ERAP1: variants seen among roughly 807,000 people sequenced by gnomAD.
ERAP1 encodes the protein endoplasmic reticulum aminopeptidase 1.
ERAP1 carries 86 observed loss-of-function variants against 103.7 expected under a neutral mutation model. The ratio of observed to expected loss-of-function variants is 0.83; its 90% CI spans 0.70 to 0.99. ERAP1 has a LOEUF of 0.99. Ranked by LOEUF, ERAP1 falls within the 50% of genes least tolerant of loss-of-function variation. ERAP1 has a pLI of 0.00. For missense variants in ERAP1, 1,009 were observed against 1,128.4 expected (o/e 0.89, Z 1.52); for synonymous variants, 398 against 402.4 (o/e 0.99, Z 0.13).
chr5:96,807,784 G>T, intron 1 of ERAP1, 76 bp downstream of exon 1: 1 of 960,330 alleles, frequency 1.0e-6, no homozygotes, highest in Non-Finnish European at 1.2e-6. Context: ...CCCACTTGAC[G>T]GGCGCAGGGA....
At chr5:96,842,422 A>C in the ERAP1 span, among the ~76,000 whole-genome samples, 152,354 of 152,358 alleles carry the variant, frequency 1, 76,175 homozygotes, top group Middle Eastern at 1. Flanking sequence ...AAAGTGTTCT[A>C]TTTTCACCAC....
chr5:96,872,083 C>T, the ERAP1 span, among the ~76,000 whole-genome samples: 2 of 152,008 alleles, frequency 1.3e-5, no homozygotes, highest in Non-Finnish European at 2.9e-5. Flanking sequence ...TGAAAAAGAA[C>T]ATAGGCATAA....
At chr5:96,893,269 T>C in the ERAP1 span, among the ~76,000 whole-genome samples, 11 of 152,330 alleles carry the variant, frequency 7.2e-5, no homozygotes, top group Admixed American at 6.5e-4. Flanking sequence ...GTCACCAAAA[T>C]TGTCTTTCAC....
At chr5:96,892,310 A>G in the ERAP1 span, 77 of 1,613,784 alleles carry the variant, frequency 4.8e-5, no homozygotes, top group Non-Finnish European at 5.7e-5. Context: ...TTTAATTGCT[A>G]TTCCTGACTT....
intron 3 of ERAP1, among the ~76,000 whole-genome samples, chr5:96,800,626 G>GTA (rs1265066796): frequency 6.6e-6 from 1 of 152,180 alleles, no homozygotes; most frequent in African/African-American, 2.4e-5. Context: ...CTATCAGCAT[G>GTA]TATAACCTGG....
chr5:96,862,058 G>C, the ERAP1 span, among the ~76,000 whole-genome samples: 1 of 152,172 alleles, frequency 6.6e-6, no homozygotes, highest in Non-Finnish European at 1.5e-5. Context: ...ATGGCTTACT[G>C]CATCCTTGAA....
At chr5:96,897,975 T>A in the ERAP1 span, among the ~76,000 whole-genome samples, 1 of 152,176 alleles carries the variant, frequency 6.6e-6, no homozygotes, top group African/African-American at 2.4e-5. Context: ...GGTGGGTAGA[T>A]CACTTCAGGT....
chr5:96,929,818 TA>T, the ERAP1 span, among the ~76,000 whole-genome samples: 1 of 152,216 alleles, frequency 6.6e-6, no homozygotes, highest in Non-Finnish European at 1.5e-5. Context: ...ATCAATTATA[TA>T]AAAAATTACA....
In ERAP1 at chr5:96,781,560, T is replaced by C. The variant is rs1268264235; in HGVS notation, c.2447+133A>G. The C allele has an allele frequency of 9.6e-6, 11 of 1,143,690 alleles. No homozygotes were observed. The Admixed American group carries it at 1.9e-4, about 20-fold the overall frequency. 70.8% of individuals were successfully genotyped at this position (1,143,690 alleles called of 1,614,324 possible). On this transcript the variant is annotated intron_variant, in intron 16 of 18. Transcript: ENST00000443439. Reference sequence around the variant, plus strand: ...CTAATTATTTGCCTTTCTCATTAGATGTGTGCTGACTTGCAGTATGTTCCC... The same window carrying C: ...CTAATTATTTGCCTTTCTCATTAGACGTGTGCTGACTTGCAGTATGTTCCC...
chr5:96,915,997 T>C, the ERAP1 span: 154,424 of 339,296 alleles, frequency 0.46, 36,238 homozygotes, highest in Non-Finnish European at 0.48. Context: ...CCAAGGCAGG[T>C]AGATCATGGG....
downstream of ERAP1, chr5:96,769,852 TC>T (rs1433924082): frequency 1.3e-5 from 2 of 149,762 alleles, no homozygotes; most frequent in African/African-American, 4.9e-5. Flanking sequence ...CTGGCTTATA[TC>T]ATCTAGTATA....
the ERAP1 span, chr5:96,902,501 ACT>A: frequency 3.7e-6 from 2 of 543,244 alleles, no homozygotes; most frequent in Non-Finnish European, 6.5e-6. Context: ...TACTAAAATA[ACT>A]CTTTTAGTAA....
chr5:96,790,840 C>T (rs536672540), intron 8 of ERAP1, among the ~76,000 whole-genome samples, 197 bp from the exon 9 acceptor site: 2 of 152,342 alleles, frequency 1.3e-5, no homozygotes, highest in East Asian at 3.9e-4. Flanking sequence ...AATGTGATTG[C>T]TTATGCTCTG....
the ERAP1 span, among the ~76,000 whole-genome samples, chr5:96,851,804 G>A: frequency 6.6e-6 from 1 of 152,106 alleles, no homozygotes; most frequent in Admixed American, 6.6e-5. Flanking sequence ...ATTGTATGCC[G>A]GCACCAGAAG....
chr5:96,909,980 T>G, the ERAP1 span: 4 of 456,700 alleles, frequency 8.8e-6, no homozygotes, highest in Non-Finnish European at 1.6e-5. Flanking sequence ...ATTATTCCGG[T>G]GCTGGCTGGA....
chr5:96,770,556 G>A, downstream of ERAP1: 1 of 1,613,034 alleles, frequency 6.2e-7, no homozygotes, highest in Non-Finnish European at 8.5e-7. Context: ...GCTGCTTCCA[G>A]CTCCAAAGCA....
the ERAP1 span, chr5:96,901,640 G>T: frequency 6.2e-7 from 1 of 1,614,052 alleles, no homozygotes; most frequent in African/African-American, 1.3e-5. Flanking sequence ...TCCTCCAGGG[G>T]GTTTTCCAGG....
chr5:96,766,717 G>A (rs1770113409), intron 19 of ERAP1, among the ~76,000 whole-genome samples: 2 of 152,148 alleles, frequency 1.3e-5, no homozygotes, highest in Admixed American at 1.3e-4. Flanking sequence ...AACCAGGCCT[G>A]TCCCCCACCT....
intron 6 of ERAP1, 122 bp from the exon 7 acceptor site, chr5:96,793,635 TAAAA>T (rs1251107567): frequency 8.2e-6 from 9 of 1,098,754 alleles, no homozygotes; most frequent in Non-Finnish European, 1.2e-5. Flanking sequence ...AAGGTAAAAA[TAAAA>T]AAAGTTCAAC....
Sources: gnomAD v4.1 joint callset for allele counts (sites outside exome capture counted in the v4.1 genomes callset) on GRCh38, gnomAD v4.1.1 for gene constraint, MANE v1.5 for transcripts, NCBI Gene and HGNC (gene_info 2026-07-23, HGNC 2026-07-21) for gene names.